The following NTNG1 variants were observed in gnomAD, a reference collection of about 807,000 sequenced individuals.
The protein encoded by NTNG1 is netrin G1.
In NTNG1, 16 loss-of-function variants were observed where a neutral mutation model predicts 54.0. The observed-to-expected ratio is 0.30, with a 90% CI of 0.20 to 0.45. The LOEUF is 0.45. Ranked by LOEUF, NTNG1 falls within the 20% of genes least tolerant of loss-of-function variation. The pLI is 1.00. For synonymous variants in NTNG1, 255 were observed against 263.1 expected (o/e 0.97, Z 0.30); for missense variants, 530 against 678.7 (o/e 0.78, Z 2.43).
intron 3 of NTNG1, among the ~76,000 whole-genome samples, chr1:107,378,181 C>T (rs1671418079): frequency 6.6e-6 from 1 of 152,150 alleles, no homozygotes; most frequent in Non-Finnish European, 1.5e-5. Context: ...CTAAACCAAC[C>T]CTGTGCTTCC....
At chr1:107,238,992 T>C (rs569718472) in intron 2 of NTNG1, among the ~76,000 whole-genome samples, 6 of 152,276 alleles carry the variant, frequency 3.9e-5, no homozygotes, top group East Asian at 1.9e-4. Context: ...ACCCAGTTCA[T>C]TGATTTGTTC....
chr1:107,426,804 A>G (rs1349515821), intron 5 of NTNG1, among the ~76,000 whole-genome samples: 1 of 151,950 alleles, frequency 6.6e-6, no homozygotes, highest in Non-Finnish European at 1.5e-5. Flanking sequence ...AATTCTTTCA[A>G]CCCATGAACA....
At chr1:107,192,057 T>C (rs1657991566) in intron 2 of NTNG1, among the ~76,000 whole-genome samples, 1 of 152,156 alleles carries the variant, frequency 6.6e-6, no homozygotes, top group Non-Finnish European at 1.5e-5. Flanking sequence ...TTCCAACCCA[T>C]GAGCATGGAA....
At chr1:107,448,639 G>A (rs556791351) in intron 7 of NTNG1, among the ~76,000 whole-genome samples, 12 of 152,206 alleles carry the variant, frequency 7.9e-5, no homozygotes, top group African/African-American at 2.9e-4. Flanking sequence ...TCAAGCCCAA[G>A]AAGTTTTGTT....
intron 2 of NTNG1, among the ~76,000 whole-genome samples, chr1:107,279,865 A>G (rs1325960160): frequency 6.6e-6 from 1 of 152,062 alleles, no homozygotes; most frequent in African/African-American, 2.4e-5. Flanking sequence ...AACATAACAC[A>G]TTGCAGCCTC....
rs1570771067 is a variant in NTNG1 at position 107,364,123 on chromosome 1, C to T, written c.888-31031C>T. On this transcript the variant is annotated intron_variant, in intron 3 of 7. Transcript: ENST00000370068. ...TCATAATGATATTAATAATTTAAGT[C>T]ACTTTACCCTAATACAATTATTTCT... is the stretch of plus-strand genomic sequence containing the variant. Among the ~76,000 whole-genome samples, 3 of 152,246 alleles carry T rather than the reference C, an allele frequency of 2.0e-5. No homozygotes were observed. In the South Asian group the frequency reaches 6.2e-4, roughly 32 times the overall value.
chr1:107,471,254 A>C (rs1009044135), intron 7 of NTNG1, among the ~76,000 whole-genome samples: 1 of 152,026 alleles, frequency 6.6e-6, no homozygotes, highest in Non-Finnish European at 1.5e-5. Context: ...TTCAGCTCTG[A>C]CCCTTGGGTT....
chr1:107,325,967 T>G (rs530802145), intron 3 of NTNG1, among the ~76,000 whole-genome samples: 3 of 152,286 alleles, frequency 2.0e-5, no homozygotes, highest in Non-Finnish European at 4.4e-5. Flanking sequence ...ATTTATTGGC[T>G]GCCAACATCC....
chr1:107,393,647 A>T (rs1672501982), intron 3 of NTNG1, among the ~76,000 whole-genome samples: 1 of 151,634 alleles, frequency 6.6e-6, no homozygotes, highest in Non-Finnish European at 1.5e-5. Context: ...CTTCCCAGAC[A>T]GGTTTGAGTA....
chr1:107,207,200 C>A (rs1441933488), intron 2 of NTNG1, among the ~76,000 whole-genome samples: 1 of 152,090 alleles, frequency 6.6e-6, no homozygotes, highest in African/African-American at 2.4e-5. Context: ...CTTTGTTATC[C>A]TCTATAATAG....
chr1:107,477,617 C>G (rs1003931882), intron 7 of NTNG1, among the ~76,000 whole-genome samples: 1 of 152,202 alleles, frequency 6.6e-6, no homozygotes, highest in South Asian at 2.1e-4. Context: ...TGATGAATGC[C>G]TTTGCTCAAA....
chr1:107,395,273 G>A lies in NTNG1; in HGVS notation c.1007G>A (p.Arg336Gln), dbSNP rs1272290487. 9.9e-6 allele frequency: 16 copies of A among 1,613,582 alleles called. No homozygotes were observed. The highest frequency in any genetic ancestry group is 1.3e-5 in the Non-Finnish European group (15 of 1,179,666). Residue 336 changes from arginine to glutamine, a missense_variant, in exon 4 of 8, where the codon CGA becomes CAA. By Grantham distance (43) the Arg-to-Gln change is conservative. Around this residue, in one of 2 missense-constraint regions of NTNG1, gnomAD observed 318 missense variants for 465.1 expected, o/e 0.68. Coordinates refer to ENST00000370068, the MANE Select transcript of NTNG1 (RefSeq NM_001113226.3). ...CGKCKKNYQG[R>Q]PWSPGSYLPI... is the part of the protein sequence containing the mutation. ...AAATGCAAGAAGAATTATCAGGGCC[G>A]ACCTTGGAGTCCAGGCTCCTATCTC...
intron 2 of NTNG1, among the ~76,000 whole-genome samples, 153 bp from the exon 3 acceptor site, chr1:107,324,129 T>C (rs1191330340): frequency 6.6e-6 from 1 of 151,942 alleles, no homozygotes; most frequent in East Asian, 1.9e-4. Context: ...TTAAAAGCTA[T>C]TAAAGAGGAG....
intron 7 of NTNG1, among the ~76,000 whole-genome samples, chr1:107,454,797 T>C (rs987103083): frequency 6.6e-6 from 1 of 152,220 alleles, no homozygotes; most frequent in African/African-American, 2.4e-5. Context: ...GCAATATCCC[T>C]ATAATAGAAG....
At chr1:107,337,784 G>A (rs1048018115) in intron 3 of NTNG1, among the ~76,000 whole-genome samples, 1 of 151,954 alleles carries the variant, frequency 6.6e-6, no homozygotes, top group African/African-American at 2.4e-5. Flanking sequence ...GTTTTGAGAT[G>A]GAGGAAGATG....
In NTNG1 at chr1:107,324,544, G is replaced by A. The variant is rs1667836801; in HGVS notation, c.509G>A (p.Arg170Gln). 1 of 1,613,610 alleles carries A rather than the reference G, an allele frequency of 6.2e-7. No homozygotes were observed. Among genetic ancestry groups the A allele is most frequent in the Non-Finnish European group, 8.5e-7 (1 of 1,179,858 alleles). ...MILEKSLDYG[R>Q]TWQPYQYYAT... is the part of the protein sequence containing the mutation. The stretch of plus-strand genomic sequence containing the variant: ...CTGGAGAAGTCTCTCGATTATGGAC[G>A]AACATGGCAGCCCTATCAGTATTAT... The change falls in exon 3 of 8, where the codon CGA becomes CAA. Residue 170 changes from arginine (R) to glutamine (Q), a missense_variant. Physicochemically the swap from Arg to Gln is conservative, Grantham distance 43. Transcript: ENST00000370068.
chr1:107,386,396 AC>A (rs1025001741), intron 3 of NTNG1, among the ~76,000 whole-genome samples: 2 of 151,114 alleles, frequency 1.3e-5, no homozygotes, highest in Admixed American at 6.6e-5. Flanking sequence ...CTGGTCTTGA[AC>A]TCCTGACCTC....
chr1:107,146,350 T>C (rs17018464), intron 1 of NTNG1, among the ~76,000 whole-genome samples: 7,364 of 152,136 alleles, frequency 0.048, 577 homozygotes, highest in African/African-American at 0.17. Context: ...TAAAAACTAG[T>C]AAACACAGTT....
At chr1:107,358,669 A>G (rs1168079949) in intron 3 of NTNG1, among the ~76,000 whole-genome samples, 1 of 152,058 alleles carries the variant, frequency 6.6e-6, no homozygotes, top group Non-Finnish European at 1.5e-5. Context: ...TTCCAGGAAA[A>G]AAAAAAAGGC....
Sources: gnomAD v4.1 joint callset for allele counts (sites outside exome capture counted in the v4.1 genomes callset) on GRCh38, gnomAD v4.1.1 for gene constraint, gnomAD v4.1.1 regional missense constraint, MANE v1.5 for transcripts, NCBI Gene and HGNC (gene_info 2026-07-23, HGNC 2026-07-21) for gene names.